Variants in AFF3 observed in about 807,000 individuals in gnomAD.
AFF3 encodes the protein AF4/FMR2 family member 3.
A neutral mutation model predicts 129.7 loss-of-function variants in AFF3; 32 were observed. That is an observed-to-expected ratio of 0.25 (90% confidence interval 0.19 to 0.33). The LOEUF (loss-of-function observed/expected upper bound fraction) is 0.33, where lower values mean the gene tolerates loss of function less well. Ranked by LOEUF, AFF3 falls within the 10% of genes least tolerant of loss-of-function variation. The pLI, the probability that AFF3 is intolerant of heterozygous loss-of-function variation, is 1.00. For missense variants in AFF3, 1,373 were observed against 1,592.0 expected (o/e 0.86, Z 2.34); for synonymous variants, 644 against 635.4 (o/e 1.01, Z -0.20).
At chr2:99,578,527 C>T (rs937000476) in intron 17 of AFF3, 76 bp from the exon 18 acceptor site, 51 of 1,563,982 alleles carry the variant, frequency 3.3e-5, no homozygotes, top group East Asian at 1.2e-4. Context: ...TACATACATA[C>T]GTAGAATATC....
At position 99,948,752 on chromosome 2, in the gene AFF3, A is replaced by T. The variant is rs180795422; in HGVS notation, c.873+57880T>A. On this transcript the variant is annotated intron_variant, in intron 7 of 24. Transcript: ENST00000672756. ...AATCAGCAGTCCATGTAGAATTAAA[A>T]CCAGTCTCAAAACACAAGAATAAAA... Among the ~76,000 whole-genome samples the T allele has an allele frequency of 1.6e-3, 245 of 152,172 alleles. 1 individual carries two copies. The highest frequency in any genetic ancestry group is 5.0e-3 in the South Asian group (24 of 4,826).
Position 99,548,599 on chromosome 2 carries a change from C to T in AFF3, c.*2875G>A, listed in dbSNP as rs914387444. The T allele has an allele frequency of 4.4e-5, 9 of 202,332 alleles. No individual in the cohort carries two copies. The highest frequency in any genetic ancestry group is 1.4e-4 in the African/African-American group (6 of 43,526). 12.5% of individuals were successfully genotyped at this position (202,332 alleles called of 1,614,324 possible). On this transcript the variant is annotated 3_prime_UTR_variant, in exon 25 of 25. Transcript: ENST00000672756. ...CAAAAAAAATAAAGAAAAAATTAGC[C>T]GGGTGTGGTGGCACGTGCCTATCTT...
chr2:99,850,872 T>G (rs541996042), intron 7 of AFF3, among the ~76,000 whole-genome samples: 1 of 152,274 alleles, frequency 6.6e-6, no homozygotes, highest in Non-Finnish European at 1.5e-5. Context: ...TTAAATGGAT[T>G]AATTGGGTAG....
At chr2:99,732,137 G>C (rs1679880618) in intron 10 of AFF3, among the ~76,000 whole-genome samples, 1 of 151,944 alleles carries the variant, frequency 6.6e-6, no homozygotes, top group Non-Finnish European at 1.5e-5. Context: ...GGCAGATCAC[G>C]AGGTCAGGAG....
At chr2:99,737,728 A>G (rs765103957) in intron 10 of AFF3, among the ~76,000 whole-genome samples, 2 of 151,702 alleles carry the variant, frequency 1.3e-5, no homozygotes, top group African/African-American at 4.9e-5. Context: ...TCAGCCATCA[A>G]TCATCTTCAG....
intron 2 of AFF3, among the ~76,000 whole-genome samples, chr2:100,125,969 G>A (rs891567382): frequency 2.6e-5 from 4 of 152,182 alleles, no homozygotes; most frequent in Non-Finnish European, 5.9e-5. Context: ...AGGGTGCCAT[G>A]GCATTCTGTT....
At chr2:99,701,652 C>T (rs1212421169) in intron 11 of AFF3, among the ~76,000 whole-genome samples, 1 of 152,158 alleles carries the variant, frequency 6.6e-6, no homozygotes, top group Non-Finnish European at 1.5e-5. Flanking sequence ...ATCCACAGAG[C>T]TTATTCAGAT....
At chr2:100,103,297 G>A (rs555803053) in intron 4 of AFF3, among the ~76,000 whole-genome samples, 1 of 151,856 alleles carries the variant, frequency 6.6e-6, no homozygotes, top group East Asian at 1.9e-4. Context: ...TTAGACACAT[G>A]TGAACTCTTT....
intron 7 of AFF3, among the ~76,000 whole-genome samples, chr2:99,865,668 A>C (rs1446539009): frequency 1.3e-5 from 2 of 152,238 alleles, no homozygotes; most frequent in African/African-American, 4.8e-5. Context: ...CAAGTTGATG[A>C]AAAATTAATT....
At chr2:99,997,830 C>G (rs2104650271) in intron 7 of AFF3, among the ~76,000 whole-genome samples, 1 of 152,282 alleles carries the variant, frequency 6.6e-6, no homozygotes, top group South Asian at 2.1e-4. Context: ...TTCTCCCTGC[C>G]ATGTCTTCCT....
At chr2:99,759,990 G>A (rs1682445694) in intron 8 of AFF3, among the ~76,000 whole-genome samples, 1 of 152,004 alleles carries the variant, frequency 6.6e-6, no homozygotes, top group Non-Finnish European at 1.5e-5. Flanking sequence ...GAGGAAATGG[G>A]GATATAACTA....
At chr2:99,758,383 G>T (rs1682292945) in intron 8 of AFF3, among the ~76,000 whole-genome samples, 1 of 151,998 alleles carries the variant, frequency 6.6e-6, no homozygotes, top group Non-Finnish European at 1.5e-5. Context: ...GTTAGGAGTT[G>T]GGAGACCAGC....
At position 99,690,338 on chromosome 2, in the gene AFF3, G is replaced by A. The variant is rs1411576704; in HGVS notation, c.1092-17749C>T. 4.6e-5 allele frequency among the ~76,000 whole-genome samples: 7 copies of A among 150,994 alleles called. No individual in the cohort carries two copies. The East Asian group carries it at 1.0e-3, about 22-fold the overall frequency. On this transcript the variant is annotated intron_variant, in intron 11 of 24. Transcript: ENST00000672756. ...TGGGACTACAGGCACCCGCCACCAC[G>A]CCCGGCTAATTTTTTTGTATTTTTA... is the stretch of plus-strand genomic sequence containing the variant.
chr2:99,679,477 C>T (rs1455710609), intron 11 of AFF3, among the ~76,000 whole-genome samples: 1 of 152,148 alleles, frequency 6.6e-6, no homozygotes, highest in African/African-American at 2.4e-5. Flanking sequence ...CTAGAAGAAC[C>T]TCACAAAAGC....
intron 7 of AFF3, among the ~76,000 whole-genome samples, chr2:99,947,609 T>G (rs201459045): frequency 1.8e-5 from 1 of 56,488 alleles, no homozygotes; most frequent in African/African-American, 7.8e-5. Flanking sequence ...GAAAGATAGA[T>G]AGATAGATAG....
intron 8 of AFF3, among the ~76,000 whole-genome samples, chr2:99,833,544 T>G (rs577341756): frequency 6.6e-6 from 1 of 152,178 alleles, no homozygotes; most frequent in Non-Finnish European, 1.5e-5. Flanking sequence ...TCTCAAACAC[T>G]GATCTCTTAT....
rs1418831965 is a variant in AFF3 at position 100,045,019 on chromosome 2, T to A, written c.54-36087A>T. Among the ~76,000 whole-genome samples, 3 of 152,082 alleles carry A rather than the reference T, an allele frequency of 2.0e-5. No individual in the cohort carries two copies. The East Asian group carries it at 5.8e-4, about 29-fold the overall frequency. On this transcript the variant is annotated intron_variant, in intron 4 of 24. Coordinates refer to ENST00000672756, the MANE Select transcript of AFF3 (RefSeq NM_001386135.1). The stretch of plus-strand genomic sequence containing the variant: ...GGAAGAAGAGCATCAGCCCACAGCA[T>A]CTTTTTTAATCTTTCCAACAGAGGC...
intron 11 of AFF3, among the ~76,000 whole-genome samples, chr2:99,687,929 G>A (rs1243604494): frequency 6.6e-6 from 1 of 152,062 alleles, no homozygotes; most frequent in Non-Finnish European, 1.5e-5. Flanking sequence ...TGCGACCTCC[G>A]CCTCCCAGGT....
chr2:99,874,049 C>A lies in AFF3; in HGVS notation c.874-36525G>T, dbSNP rs376888572. On this transcript the variant is annotated intron_variant, in intron 7 of 24. Transcript: ENST00000672756. ...AAAATTAGCCGGGCGTGGTGGTGGACGCCTGCAGTCCCAGCTACTCGGGAG... is the reference window on the plus strand; with the variant it reads ...AAAATTAGCCGGGCGTGGTGGTGGAAGCCTGCAGTCCCAGCTACTCGGGAG... Among the ~76,000 whole-genome samples the A allele has an allele frequency of 8.6e-5, 13 of 151,984 alleles. No homozygotes were observed. The East Asian group carries it at 1.2e-3, about 14-fold the overall frequency.
Sources: gnomAD v4.1 joint callset for allele counts (sites outside exome capture counted in the v4.1 genomes callset) on GRCh38, gnomAD v4.1.1 for gene constraint, MANE v1.5 for transcripts, NCBI Gene and HGNC (gene_info 2026-07-23, HGNC 2026-07-21) for gene names.